The following NME7 variants were observed in gnomAD, a reference collection of about 807,000 sequenced individuals.
The protein encoded by NME7 is nucleoside diphosphate kinase 7.
In NME7, 41 loss-of-function variants were observed where a neutral mutation model predicts 49.1. The observed-to-expected ratio is 0.83, with a 90% confidence interval of 0.65 to 1.08. The LOEUF (loss-of-function observed/expected upper bound fraction) is 1.08, where lower values mean the gene tolerates loss of function less well. Ranked by LOEUF, NME7 falls within the 50% of genes least tolerant of loss-of-function variation. The probability of loss-of-function intolerance (pLI) is 0.00; values close to 1 mark genes in which losing one functional copy is unlikely to be tolerated. For synonymous variants in NME7, 139 were observed against 150.6 expected (o/e 0.92, Z 0.56); for missense variants, 423 against 463.4 (o/e 0.91, Z 0.80).
At chr1:169,211,868 A>G (rs774286174) in intron 10 of NME7, among the ~76,000 whole-genome samples, 1 of 152,192 alleles carries the variant, frequency 6.6e-6, no homozygotes, top group Admixed American at 6.5e-5. Flanking sequence ...CGTTGATTCA[A>G]TACTATTATA....
At chr1:169,307,991 G>C (rs1400638623) in intron 4 of NME7, among the ~76,000 whole-genome samples, 1 of 146,890 alleles carries the variant, frequency 6.8e-6, no homozygotes, top group Non-Finnish European at 1.5e-5. Flanking sequence ...CTACACTCCA[G>C]CCTGGGCAAC....
chr1:169,334,019 G>C (rs1652365522), intron 1 of NME7, among the ~76,000 whole-genome samples: 2 of 152,122 alleles, frequency 1.3e-5, no homozygotes, highest in African/African-American at 4.8e-5. Flanking sequence ...ACAATAGGCA[G>C]CAAAATATTT....
chr1:169,348,167 A>G (rs1359595996), intron 1 of NME7, among the ~76,000 whole-genome samples: 1 of 152,222 alleles, frequency 6.6e-6, no homozygotes, highest in Non-Finnish European at 1.5e-5. Context: ...AGTCTTAAAT[A>G]CATCCACAAG....
intron 1 of NME7, among the ~76,000 whole-genome samples, chr1:169,364,693 T>C (rs1194338911): frequency 6.6e-6 from 1 of 152,204 alleles, no homozygotes; most frequent in African/African-American, 2.4e-5. Context: ...CTCACAAAGC[T>C]AACTGCCCTT....
intron 3 of NME7, among the ~76,000 whole-genome samples, chr1:169,315,909 G>T (rs182291276): frequency 1.3e-5 from 2 of 151,978 alleles, no homozygotes; most frequent in East Asian, 3.9e-4. Flanking sequence ...AAAATTGATA[G>T]AATATATAAT....
At chr1:169,314,529 G>C (rs562742762) in intron 3 of NME7, among the ~76,000 whole-genome samples, 1 of 152,020 alleles carries the variant, frequency 6.6e-6, no homozygotes, top group Non-Finnish European at 1.5e-5. Flanking sequence ...GAAAGCTCAG[G>C]ATAAGATGTC....
chr1:169,237,797 A>G, intron 7 of NME7, 110 bp from the exon 8 acceptor site: 2 of 681,850 alleles, frequency 2.9e-6, no homozygotes, highest in South Asian at 3.7e-5. Context: ...CTCTATATTT[A>G]AAAAAACACA....
At chr1:169,318,885 G>A (rs1042839754) in intron 3 of NME7, among the ~76,000 whole-genome samples, 2 of 152,032 alleles carry the variant, frequency 1.3e-5, no homozygotes, top group Non-Finnish European at 1.5e-5. Flanking sequence ...TGGAAGCAGC[G>A]GTGGGGGTAG....
At chr1:169,230,209 A>G (rs1485509068) in intron 10 of NME7, among the ~76,000 whole-genome samples, 3 of 152,134 alleles carry the variant, frequency 2.0e-5, no homozygotes, top group Non-Finnish European at 4.4e-5. Flanking sequence ...ATACACACAT[A>G]CATACATGCA....
At chr1:169,253,220 T>G (rs1433606900) in intron 7 of NME7, among the ~76,000 whole-genome samples, 3 of 148,410 alleles carry the variant, frequency 2.0e-5, no homozygotes, top group East Asian at 2.0e-4. Flanking sequence ...CATTTGTTTG[T>G]ATCCTCTTTT....
At chr1:169,241,823 C>A (rs1648100228) in intron 7 of NME7, among the ~76,000 whole-genome samples, 2 of 150,352 alleles carry the variant, frequency 1.3e-5, no homozygotes, top group African/African-American at 2.4e-5. Context: ...GGATAATTCC[C>A]AATTCACTTT....
rs180978873 is a variant in NME7 at position 169,205,832 on chromosome 1, G to A, written c.990+24886C>T. On this transcript the variant is annotated intron_variant, in intron 10 of 11. Transcript: ENST00000367811. ...TAAAGTATTTTCAGCAGCTTTCCAC[G>A]CTCTATGTGATCTTCTTTCCCATCC... Among the ~76,000 whole-genome samples the A allele has an allele frequency of 3.4e-3, 513 of 152,020 alleles. 3 individuals carry two copies. Among genetic ancestry groups the A allele is most frequent in the African/African-American group, 0.011 (461 of 41,514 alleles).
chr1:169,156,888 A>T (rs1659091911), intron 11 of NME7, among the ~76,000 whole-genome samples: 1 of 152,242 alleles, frequency 6.6e-6, no homozygotes, highest in African/African-American at 2.4e-5. Flanking sequence ...GGCCTCTTAT[A>T]TTATCATGAT....
intron 11 of NME7, among the ~76,000 whole-genome samples, chr1:169,149,303 T>C (rs1414175024): frequency 6.6e-6 from 1 of 152,142 alleles, no homozygotes; most frequent in African/African-American, 2.4e-5. Flanking sequence ...ATCCTGCCAC[T>C]GCACTCCAGC....
chr1:169,298,470 AG>A, intron 6 of NME7, 85 bp downstream of exon 6: 1 of 1,357,364 alleles, frequency 7.4e-7, no homozygotes, highest in Non-Finnish European at 1.0e-6. Context: ...ATCCACCCTA[AG>A]TCACCAGTGA....
At chr1:169,172,024 G>T (rs1037282317) in intron 10 of NME7, among the ~76,000 whole-genome samples, 7 of 152,110 alleles carry the variant, frequency 4.6e-5, no homozygotes, top group Non-Finnish European at 8.8e-5. Context: ...ACTGCCTTCT[G>T]CTCAATGTAA....
At chr1:169,328,847 C>T (rs1217408691) in intron 1 of NME7, among the ~76,000 whole-genome samples, 1 of 152,042 alleles carries the variant, frequency 6.6e-6, no homozygotes, top group East Asian at 1.9e-4. Flanking sequence ...TTAGGGTGCC[C>T]CTTAAAGCAG....
At chr1:169,259,512 T>C (rs1186987609) in intron 7 of NME7, among the ~76,000 whole-genome samples, 1 of 133,966 alleles carries the variant, frequency 7.5e-6, no homozygotes, top group African/African-American at 2.5e-5. Context: ...AGTTAGAATC[T>C]CTGGATGGTA....
intron 7 of NME7, among the ~76,000 whole-genome samples, chr1:169,251,934 C>T (rs1221326505): frequency 2.0e-5 from 3 of 149,978 alleles, no homozygotes; most frequent in Non-Finnish European, 3.0e-5. Flanking sequence ...TGTATATGTG[C>T]CACATTTTCT....
Sources: gnomAD v4.1 joint callset for allele counts (sites outside exome capture counted in the v4.1 genomes callset) on GRCh38, gnomAD v4.1.1 for gene constraint, MANE v1.5 for transcripts, NCBI Gene and HGNC (gene_info 2026-07-23, HGNC 2026-07-21) for gene names.